The following KNTC1 variants were observed in gnomAD, a reference collection of about 807,000 sequenced individuals.
KNTC1 encodes the protein kinetochore associated 1.
A neutral mutation model predicts 314.4 loss-of-function variants in KNTC1; 253 were observed. The ratio of observed to expected loss-of-function variants is 0.80; its 90% CI spans 0.73 to 0.89. The LOEUF is 0.89. Ranked by LOEUF, KNTC1 falls within the 40% of genes least tolerant of loss-of-function variation. The probability of loss-of-function intolerance (pLI) is 0.00; values close to 1 mark genes in which losing one functional copy is unlikely to be tolerated. For missense variants in KNTC1, 2,475 were observed against 2,572.9 expected (o/e 0.96, Z 0.82); for synonymous variants, 901 against 901.4 (o/e 1.00, Z 0.01).
At position 122,530,139 on chromosome 12, in the gene KNTC1, C is replaced by T; in HGVS notation, c.76C>T (p.His26Tyr). 7 of 1,613,520 alleles carry T rather than the reference C, an allele frequency of 4.3e-6. No individual in the cohort carries two copies. The highest frequency in any genetic ancestry group is 5.1e-6 in the Non-Finnish European group (6 of 1,179,534). Residue 26 changes from histidine to tyrosine, a missense_variant, in exon 2 of 64, where the codon CAT (histidine) becomes TAT (tyrosine). Physicochemically the swap from His to Tyr is moderately conservative, Grantham distance 83 (BLOSUM62 2). Transcript: ENST00000333479. ...GYLSVGSRKE[H>Y]GTALYQVDLL... is the part of the protein sequence containing the mutation. Reference sequence around the variant, plus strand: ...CCTGAGTGTCGGTTCAAGAAAAGAACATGGAACTGCTTTATATCAAGTAGA... The same window carrying T: ...CCTGAGTGTCGGTTCAAGAAAAGAATATGGAACTGCTTTATATCAAGTAGA...
At chr12:122,609,192 T>A (rs1872852160) in intron 51 of KNTC1, 192 bp from the exon 52 acceptor site, 2 of 568,326 alleles carry the variant, frequency 3.5e-6, no homozygotes, top group Admixed American at 7.1e-5. Context: ...TCAGTGAATA[T>A]TTGTTGAGTA....
intron 37 of KNTC1, 62 bp from the exon 38 acceptor site, chr12:122,586,639 A>T: frequency 3.0e-6 from 2 of 677,154 alleles, no homozygotes; most frequent in Non-Finnish European, 4.6e-6. Flanking sequence ...ATAGTGATGA[A>T]GTCTGGGCTT....
chr12:122,552,901 C>T (rs1565948008), intron 16 of KNTC1, among the ~76,000 whole-genome samples: 1 of 152,012 alleles, frequency 6.6e-6, no homozygotes, highest in African/African-American at 2.4e-5. Context: ...TCCTTTAATT[C>T]CAGCACTTTG....
chr12:122,562,006 G>T, intron 19 of KNTC1, 32 bp downstream of exon 19: 1 of 1,573,022 alleles, frequency 6.4e-7, no homozygotes, highest in Non-Finnish European at 8.7e-7. Flanking sequence ...GTTAATATGT[G>T]GGTGAATATA....
rs150154689 is a variant in KNTC1, at chr12:122,591,185, C to T, written c.4129-152C>T. On this transcript the variant is annotated intron_variant, in intron 41 of 63. Transcript: ENST00000333479. ...GAAAACCTGAATTACCTAAATATTA[C>T]GTAAGAAGTAACGACTGTGTACAAA... 3.7e-4 allele frequency among the ~76,000 whole-genome samples: 56 copies of T among 152,222 alleles called. No individual in the cohort carries two copies. The East Asian group carries it at 7.3e-3, about 20-fold the overall frequency.
intron 43 of KNTC1, among the ~76,000 whole-genome samples, chr12:122,596,313 G>C (rs977409550): frequency 6.6e-6 from 1 of 151,774 alleles, no homozygotes; most frequent in Non-Finnish European, 1.5e-5. Context: ...GAACTCCTGA[G>C]CTCAGGCAAT....
intron 3 of KNTC1, among the ~76,000 whole-genome samples, chr12:122,535,371 A>G (rs1245262629): frequency 6.6e-6 from 1 of 152,036 alleles, no homozygotes; most frequent in Non-Finnish European, 1.5e-5. Context: ...TAAAAATACA[A>G]AAATCACACC....
intron 2 of KNTC1, among the ~76,000 whole-genome samples, chr12:122,533,058 A>G (rs1961500989): frequency 6.6e-6 from 1 of 151,376 alleles, no homozygotes. Context: ...AAAAATAAAA[A>G]TTAAAATAAA....
At chr12:122,577,549 T>A (rs1965110588) in intron 30 of KNTC1, 123 bp from the exon 31 acceptor site, 9 of 991,272 alleles carry the variant, frequency 9.1e-6, no homozygotes, top group Non-Finnish European at 1.3e-5. Flanking sequence ...ATTAAAACAT[T>A]GAACCATAAT....
At chr12:122,549,143 C>G (rs1565943834) in intron 12 of KNTC1, among the ~76,000 whole-genome samples, 1 of 150,318 alleles carries the variant, frequency 6.7e-6, no homozygotes, top group East Asian at 2.0e-4. Context: ...GCAACCTCTT[C>G]CTCCCAGGTT....
chr12:122,547,496 A>T lies in KNTC1; in HGVS notation c.898A>T (p.Thr300Ser). 1 of 1,611,210 alleles carries T rather than the reference A, an allele frequency of 6.2e-7. No individual in the cohort carries two copies. The highest frequency in any genetic ancestry group is 8.5e-7 in the Non-Finnish European group (1 of 1,177,630). The change falls in exon 11 of 64, where the codon ACT becomes TCT. Residue 300 changes from threonine to serine, a missense_variant. Thr to Ser is a moderately conservative substitution (Grantham distance 58). Coordinates refer to ENST00000333479, the MANE Select transcript of KNTC1 (RefSeq NM_014708.6). ...TCTTCACGTAGAAGAGTTTCTTCTT[A>T]CTACAGAAGCAGACTCTCCTTCATC... ...PSLHVEEFLL[T>S]TEADSPSSVT...
intron 1 of KNTC1, 52 bp from the exon 2 acceptor site, chr12:122,529,939 T>C: frequency 9.4e-7 from 1 of 1,058,674 alleles, no homozygotes; most frequent in East Asian, 2.7e-5. Flanking sequence ...TTTGTTTTTG[T>C]TTTGTGAGTA....
intron 38 of KNTC1, among the ~76,000 whole-genome samples, chr12:122,587,218 G>T (rs1437631773): frequency 6.6e-6 from 1 of 152,156 alleles, no homozygotes; most frequent in Admixed American, 6.5e-5. Flanking sequence ...GGTCAGGGCT[G>T]CAATGAGCTA....
chr12:122,561,015 A>T (rs1472815243), intron 18 of KNTC1, among the ~76,000 whole-genome samples: 1 of 152,150 alleles, frequency 6.6e-6, no homozygotes, highest in Non-Finnish European at 1.5e-5. Context: ...ATAATTTTTT[A>T]AAAAATGGAT....
chr12:122,528,812 G>A (rs1961034394), intron 1 of KNTC1, among the ~76,000 whole-genome samples: 1 of 152,124 alleles, frequency 6.6e-6, no homozygotes, highest in South Asian at 2.1e-4. Flanking sequence ...TAGGGATGTG[G>A]AACACATGGA....
intron 42 of KNTC1, chr12:122,593,895 A>T (rs1870668792): frequency 5.9e-6 from 1 of 170,290 alleles, no homozygotes; most frequent in Admixed American, 6.0e-5. Context: ...CATGAGCCAA[A>T]ACCCTGTTTT....
At chr12:122,551,226 G>T in intron 13 of KNTC1, 93 bp from the exon 14 acceptor site, 1 of 820,762 alleles carries the variant, frequency 1.2e-6, no homozygotes, top group Non-Finnish European at 2.0e-6. Flanking sequence ...TCCATTGATG[G>T]ATAATTCATG....
intron 31 of KNTC1, 100 bp from the exon 32 acceptor site, chr12:122,579,805 G>T: frequency 7.6e-6 from 6 of 793,478 alleles, no homozygotes; most frequent in Non-Finnish European, 1.2e-5. Context: ...CTCCACGATT[G>T]TTTTTTCTGC....
intron 2 of KNTC1, among the ~76,000 whole-genome samples, chr12:122,533,161 G>C (rs1367347509): frequency 6.6e-6 from 1 of 151,818 alleles, no homozygotes; most frequent in Non-Finnish European, 1.5e-5. Context: ...ATATAGTGCC[G>C]TTCCTTTTCT....
Sources: allele counts gnomAD v4.1 joint callset (sites outside exome capture counted in the v4.1 genomes callset), GRCh38; gene constraint gnomAD v4.1.1; transcripts MANE v1.5; gene names NCBI Gene and HGNC (gene_info 2026-07-23, HGNC 2026-07-21).